The following CDR2 variants were observed in gnomAD, a reference collection of about 807,000 sequenced individuals.
CDR2 encodes the protein cerebellar degeneration-related protein 2.
In CDR2, 34 loss-of-function variants were observed where a neutral mutation model predicts 48.4. The ratio of observed to expected loss-of-function variants is 0.70; its 90% confidence interval spans 0.53 to 0.94. The LOEUF is 0.94. Ranked by LOEUF, CDR2 falls within the 40% of genes least tolerant of loss-of-function variation. The pLI is 0.00. For synonymous variants in CDR2, 240 were observed against 219.7 expected (o/e 1.09, Z -0.82); for missense variants, 498 against 549.5 (o/e 0.91, Z 0.94).
Position 22,374,404 on chromosome 16 carries a change from G to T in CDR2, c.-95C>A. 1.4e-6 allele frequency: 1 copy of T among 702,802 alleles called. No individual in the cohort carries two copies. The highest frequency in any genetic ancestry group is 2.1e-6 in the Non-Finnish European group (1 of 468,206). The allele number at this position is 702,802 out of a possible 1,614,324, so 43.5% of individuals were successfully genotyped here. A position where few individuals can be genotyped will look rare whatever the true frequency, so the allele number is the denominator to read the frequency against. On this transcript the variant is annotated 5_prime_UTR_variant, in exon 1 of 5. Transcript: ENST00000268383. The stretch of plus-strand genomic sequence containing the variant: ...CCCGGCCCCTCCGCCCTCAGCCAGA[G>T]CCGCCCTCGGGCGGGACGCGCCGCC...
intron 1 of CDR2, among the ~76,000 whole-genome samples, chr16:22,372,118 C>T (rs1457479520): frequency 2.6e-5 from 4 of 152,166 alleles, no homozygotes; most frequent in Non-Finnish European, 4.4e-5. Flanking sequence ...TATATGCCCG[C>T]CTCGGCCTCC....
At chr16:22,356,355 T>C (rs1395663536) in intron 2 of CDR2, among the ~76,000 whole-genome samples, 1 of 152,214 alleles carries the variant, frequency 6.6e-6, no homozygotes, top group Admixed American at 6.5e-5. Flanking sequence ...CTGTGGCTCA[T>C]GGCTGTAATC....
At chr16:22,374,110 G>T in intron 1 of CDR2, 121 bp downstream of exon 1, 1 of 633,328 alleles carries the variant, frequency 1.6e-6, no homozygotes, top group South Asian at 1.8e-5. Context: ...CGCCAGGTGA[G>T]CCTGAGCCCT....
chr16:22,371,848 A>ATGTGTGTGTGTGTGTGTGTGTGTG (rs56274013), intron 1 of CDR2, among the ~76,000 whole-genome samples: 2 of 148,446 alleles, frequency 1.3e-5, no homozygotes, highest in African/African-American at 5.0e-5. Context: ...AGGTTCAGAT[A>ATGTGTGTGTGTGTGTGTGTGTGTG]TGTGTGTGTG....
At chr16:22,354,878 A>AGT (rs1312295786) in intron 2 of CDR2, among the ~76,000 whole-genome samples, 1 of 152,220 alleles carries the variant, frequency 6.6e-6, no homozygotes, top group Non-Finnish European at 1.5e-5. Context: ...TGGGCGACAG[A>AGT]GTGAGACTAT....
At position 22,349,565 on chromosome 16, in the gene CDR2, T is replaced by G. The variant is rs1403226055; in HGVS notation, c.342-122A>C. 13 of 1,400,790 alleles carry G rather than the reference T, an allele frequency of 9.3e-6. No individual in the cohort carries two copies. In the South Asian group the frequency reaches 1.7e-4, roughly 19 times the overall value. The allele number at this position is 1,400,790 out of a possible 1,614,324, so 86.8% of individuals were successfully genotyped here. On this transcript the variant is annotated intron_variant, in intron 3 of 4. Transcript: ENST00000268383. ...TTCTTAATTGGAAAGGATGTCTATT[T>G]AATCTCCATTCTCCAAAAAGAATTA...
chr16:22,371,923 G>A (rs560012179), intron 1 of CDR2, among the ~76,000 whole-genome samples: 44 of 152,034 alleles, frequency 2.9e-4, no homozygotes, highest in Non-Finnish European at 4.6e-4. Context: ...CCAGGCTGGA[G>A]TGCAATAGCA....
chr16:22,370,766 G>C (rs916230548), intron 1 of CDR2, among the ~76,000 whole-genome samples: 4 of 152,176 alleles, frequency 2.6e-5, no homozygotes, highest in Non-Finnish European at 5.9e-5. Flanking sequence ...GTAGACCAGA[G>C]TTTACTGAGG....
chr16:22,362,387 A>AC (rs1483186398), intron 2 of CDR2, among the ~76,000 whole-genome samples: 1 of 152,240 alleles, frequency 6.6e-6, no homozygotes. Flanking sequence ...CCTCGATACC[A>AC]CAGAAAACAA....
At position 22,349,867 on chromosome 16, in the gene CDR2, G is replaced by C. The variant is rs748095067; in HGVS notation, c.193-18C>G. On this transcript the variant is annotated intron_variant, in intron 2 of 4. Transcript: ENST00000268383. ...GTCAGATACTGTAAGAGAAGATCAGGACCAGGTGACACAAACAGATAAGAT... is the reference window on the plus strand; with the variant it reads ...GTCAGATACTGTAAGAGAAGATCAGCACCAGGTGACACAAACAGATAAGAT... 1 of 1,613,278 alleles carries C rather than the reference G, an allele frequency of 6.2e-7. No homozygotes were observed. The highest frequency in any genetic ancestry group is 1.7e-5 in the Admixed American group (1 of 59,942).
chr16:22,374,186 C>T, intron 1 of CDR2, 45 bp downstream of exon 1: 1 of 1,357,322 alleles, frequency 7.4e-7, no homozygotes, highest in Non-Finnish European at 1.0e-6. Flanking sequence ...GCGGGGGCCT[C>T]CCGGGCCAGG....
At chr16:22,368,974 A>G (rs2049059704) in intron 1 of CDR2, 1 of 152,220 alleles carries the variant, frequency 6.6e-6, no homozygotes. Context: ...TTTTGTACTC[A>G]CAGAGTGTGT....
intron 2 of CDR2, among the ~76,000 whole-genome samples, chr16:22,356,099 T>A (rs1475673343): frequency 6.6e-6 from 1 of 152,198 alleles, no homozygotes; most frequent in Non-Finnish European, 1.5e-5. Flanking sequence ...CTAGATCTTG[T>A]TATTAAATAT....
chr16:22,366,502 G>C (rs938331358), intron 1 of CDR2, among the ~76,000 whole-genome samples: 1 of 152,180 alleles, frequency 6.6e-6, no homozygotes, highest in Non-Finnish European at 1.5e-5. Context: ...AATGTGTGAA[G>C]GAACAGAATA....
intron 2 of CDR2, among the ~76,000 whole-genome samples, chr16:22,350,978 T>A (rs1201737837): frequency 1.3e-5 from 2 of 152,166 alleles, no homozygotes. Flanking sequence ...GCTGCACCCA[T>A]CAACTCATCA....
At chr16:22,362,853 CTGGGATTA>C (rs1368914738) in intron 2 of CDR2, among the ~76,000 whole-genome samples, 1 of 152,134 alleles carries the variant, frequency 6.6e-6, no homozygotes, top group Admixed American at 6.5e-5. Context: ...TCCCAAAGTG[CTGGGATTA>C]TAGGCGTTAG....
At chr16:22,354,838 G>C (rs1254691712) in intron 2 of CDR2, among the ~76,000 whole-genome samples, 1 of 152,174 alleles carries the variant, frequency 6.6e-6, no homozygotes, top group Non-Finnish European at 1.5e-5. Flanking sequence ...AGGTTGCAGT[G>C]AGATAAGATC....
chr16:22,364,964 CTG>C lies in CDR2; in HGVS notation c.128_129del (p.Thr43ArgfsTer21). On this transcript the variant is annotated frameshift_variant, in exon 2 of 5. Transcript: ENST00000268383. LOFTEE classifies it high-confidence loss of function. Reference sequence around the variant, plus strand: ...ATCTGCTGAACAGAGTCCTCCAACTCTGTGTTCCGATCCAGTAATGTCTTCCC... The same window carrying C: ...ATCTGCTGAACAGAGTCCTCCAACTCTGTTCCGATCCAGTAATGTCTTCCC... ...ELGKTLLDRN[T>X]ELEDSVQQMY... 6.2e-7 allele frequency: 1 copy of C among 1,613,922 alleles called. No individual in the cohort carries two copies. The highest frequency in any genetic ancestry group is 1.1e-5 in the South Asian group (1 of 91,076).
intron 2 of CDR2, among the ~76,000 whole-genome samples, chr16:22,350,237 C>T (rs1445268363): frequency 6.6e-6 from 1 of 152,070 alleles, no homozygotes; most frequent in Non-Finnish European, 1.5e-5. Flanking sequence ...AACACCAATT[C>T]TCCGATTGTC....
Sources: gnomAD v4.1 joint callset for allele counts (sites outside exome capture counted in the v4.1 genomes callset) on GRCh38, gnomAD v4.1.1 for gene constraint, MANE v1.5 for transcripts, NCBI Gene and HGNC (gene_info 2026-07-23, HGNC 2026-07-21) for gene names.